The following UPF1 variants were observed in gnomAD, a reference collection of about 807,000 sequenced individuals.
UPF1 encodes the protein UPF1 RNA helicase and ATPase, also known as regulator of nonsense transcripts 1.
A neutral mutation model predicts 129.2 loss-of-function variants in UPF1; 9 were observed. The ratio of observed to expected loss-of-function variants is 0.07; its 90% CI spans 0.04 to 0.12. UPF1 has a LOEUF of 0.12. UPF1 is among the 10% of genes least tolerant of loss of function. The probability of loss-of-function intolerance (pLI) is 1.00; values close to 1 mark genes in which losing one functional copy is unlikely to be tolerated. For synonymous variants in UPF1, 649 were observed against 644.9 expected (o/e 1.01, Z -0.10); for missense variants, 788 against 1,525.3 (o/e 0.52, Z 8.05).
chr19:18,865,507 C>T lies in UPF1; in HGVS notation c.3020-54C>T. The T allele has an allele frequency of 1.2e-6, 2 of 1,612,482 alleles. No individual in the cohort carries two copies. The highest frequency in any genetic ancestry group is 2.2e-5 in the East Asian group (1 of 44,836). Reference sequence around the variant, plus strand: ...CCTCCTGAGAGCTCTTGAGGGTGTGCTTGTCTGCGAGGCCCTGGCCTCCTT... The same window carrying T: ...CCTCCTGAGAGCTCTTGAGGGTGTGTTTGTCTGCGAGGCCCTGGCCTCCTT... On this transcript the variant is annotated intron_variant, in intron 21 of 23. Coordinates refer to ENST00000262803, the MANE Select transcript of UPF1 (RefSeq NM_002911.4). This position sits in a 1 kb window ranked among gnomAD's most constrained non-coding sequence, Gnocchi z 6.1.
rs1293751552 is a variant in UPF1 at position 18,864,743 on chromosome 19, T to TTG, written c.2857+493_2857+494insGT. 5.7e-5 allele frequency among the ~76,000 whole-genome samples: 8 copies of TTG among 140,514 alleles called. 1 individual carries two copies. The highest frequency in any genetic ancestry group is 9.2e-5 in the Non-Finnish European group (6 of 64,870). The allele number at this position is 140,514 out of a possible 152,430, so 92.2% of individuals were successfully genotyped here. ...GGCCAATTTGCAGGTGTTTTTTTTTTTTTTTTTTTTTTTGGAGACCGAGTC... is the reference window on the plus strand; with the variant it reads ...GGCCAATTTGCAGGTGTTTTTTTTTTTGTTTTTTTTTTTTTGGAGACCGAGTC... On this transcript the variant is annotated intron_variant, in intron 20 of 23. Transcript: ENST00000262803.
At chr19:18,845,101 T>A (rs189595103) in intron 1 of UPF1, among the ~76,000 whole-genome samples, 13 of 152,344 alleles carry the variant, frequency 8.5e-5, no homozygotes, top group African/African-American at 2.9e-4. Flanking sequence ...GCCGAGGGGC[T>A]GTCTGGGGTG....
chr19:18,855,732 C>T, intron 11 of UPF1, 193 bp from the exon 12 acceptor site: 1 of 759,428 alleles, frequency 1.3e-6, no homozygotes, highest in Non-Finnish European at 2.1e-6. Context: ...CCTGTGGTCC[C>T]AGCTACTCAG....
At chr19:18,835,484 G>C (rs539298729) in intron 1 of UPF1, among the ~76,000 whole-genome samples, 2 of 152,208 alleles carry the variant, frequency 1.3e-5, no homozygotes, top group South Asian at 4.1e-4. Context: ...TGGGATTACA[G>C]GTGCACACCA....
chr19:18,833,877 CT>C (rs1211057105), intron 1 of UPF1, among the ~76,000 whole-genome samples: 1 of 152,160 alleles, frequency 6.6e-6, no homozygotes, highest in Non-Finnish European at 1.5e-5. Flanking sequence ...CTTGGGCTTT[CT>C]TTTAGCCCCT....
chr19:18,867,331 CGCTGG>C lies in UPF1; in HGVS notation c.*815_*819del, dbSNP rs2055863377. The stretch of plus-strand genomic sequence containing the variant: ...CCGAGCCTGGAAGCTGCTCGTTCTC[CGCTGG>C]ACTCAGAAGCCAAGCTGCTTCCCGC... On this transcript the variant is annotated 3_prime_UTR_variant, in exon 24 of 24. Transcript: ENST00000262803. The C allele has an allele frequency of 6.6e-6, 1 of 152,272 alleles. No individual in the cohort carries two copies. Among genetic ancestry groups the C allele is most frequent in the Admixed American group, 6.5e-5 (1 of 15,292 alleles). The allele number at this position is 152,272 out of a possible 1,614,324, so 9.4% of individuals were successfully genotyped here. A position where few individuals can be genotyped will look rare whatever the true frequency, so the allele number is the denominator to read the frequency against.
chr19:18,864,347 C>T (rs1395310868), intron 20 of UPF1, 96 bp downstream of exon 20: 37 of 1,195,920 alleles, frequency 3.1e-5, no homozygotes, highest in Admixed American at 2.0e-4. Flanking sequence ...CCCATCTTTC[C>T]TTCCCCTCAA....
At position 18,846,089 on chromosome 19, in the gene UPF1, A is replaced by G. The variant is rs1427429026; in HGVS notation, c.341A>G (p.Tyr114Cys). The change falls in exon 2 of 24, where the codon TAC becomes TGC. Residue 114 changes from tyrosine (Y) to cysteine (C), a missense_variant. Transcript: ENST00000262803. ...GAGGAAGATGAAGAAGACACCTATT[A>G]CACGAAGGACCTCCCCATACACGCC... ...NFEEDEEDTY[Y>C]TKDLPIHACS... The G allele has an allele frequency of 6.2e-7, 1 of 1,614,106 alleles. No individual in the cohort carries two copies. Among genetic ancestry groups the G allele is most frequent in the South Asian group, 1.1e-5 (1 of 91,084 alleles).
At chr19:18,848,654 C>G (rs2055625293) in intron 3 of UPF1, among the ~76,000 whole-genome samples, 4 of 151,934 alleles carry the variant, frequency 2.6e-5, no homozygotes, top group African/African-American at 7.3e-5. Flanking sequence ...GTGCCTTTGA[C>G]AGCTGTGGGT....
intron 6 of UPF1, 36 bp downstream of exon 6, chr19:18,852,332 T>C: frequency 6.2e-7 from 1 of 1,607,166 alleles, no homozygotes. Context: ...TGGGGTGGGC[T>C]CTGGCTCTCA....
intron 1 of UPF1, among the ~76,000 whole-genome samples, chr19:18,840,618 G>A (rs571746797): frequency 6.6e-6 from 1 of 152,192 alleles, no homozygotes; most frequent in Non-Finnish European, 1.5e-5. Flanking sequence ...ATTCAGGGCC[G>A]AGGGGCCTGG....
In UPF1 at chr19:18,855,056, C is replaced by G; in HGVS notation, c.1425+18C>G. On this transcript the variant is annotated intron_variant, in intron 10 of 23. Coordinates refer to ENST00000262803, the MANE Select transcript of UPF1 (RefSeq NM_002911.4). ...ACTCCCAGGTGCGCGCCGTCCTCAGCGCGCGGGGCCTCGCCCATGGGCCGG... is the reference window on the plus strand; with the variant it reads ...ACTCCCAGGTGCGCGCCGTCCTCAGGGCGCGGGGCCTCGCCCATGGGCCGG... 1 of 1,612,970 alleles carries G rather than the reference C, an allele frequency of 6.2e-7. No homozygotes were observed. The highest frequency in any genetic ancestry group is 1.7e-5 in the Admixed American group (1 of 59,962).
At chr19:18,862,289 T>C in intron 18 of UPF1, 137 bp downstream of exon 18, 1 of 1,356,698 alleles carries the variant, frequency 7.4e-7, no homozygotes, top group Non-Finnish European at 9.9e-7. Flanking sequence ...GATGTCTCAC[T>C]GGAGAGATCT....
rs542155746 is a variant in UPF1, at chr19:18,851,358, C to T, written c.810+490C>T. Reference sequence around the variant, plus strand: ...CAGCCCTCACTTTTCCCCACGGAAGCCTTTCTGTGCTTCCAGCTGTTTAGG... The same window carrying T: ...CAGCCCTCACTTTTCCCCACGGAAGTCTTTCTGTGCTTCCAGCTGTTTAGG... On this transcript the variant is annotated intron_variant, in intron 5 of 23. Transcript: ENST00000262803. The surrounding 1 kb of genome is among the most constrained non-coding windows in gnomAD (Gnocchi z 4.2). Among the ~76,000 whole-genome samples, 1 of 152,332 alleles carries T rather than the reference C, an allele frequency of 6.6e-6. No homozygotes were observed. Among genetic ancestry groups the T allele is most frequent in the African/African-American group, 2.4e-5 (1 of 41,570 alleles).
intron 15 of UPF1, among the ~76,000 whole-genome samples, chr19:18,859,026 G>C (rs1411898161): frequency 6.6e-6 from 1 of 152,182 alleles, no homozygotes; most frequent in Non-Finnish European, 1.5e-5. Flanking sequence ...CACCCCCCGG[G>C]TTGGGCCACA....
At chr19:18,852,869 C>T in intron 6 of UPF1, 118 bp from the exon 7 acceptor site, 3 of 816,938 alleles carry the variant, frequency 3.7e-6, no homozygotes, top group Non-Finnish European at 4.0e-6. Context: ...ACTCACGGCG[C>T]CTGCTCTCAC....
In UPF1 at chr19:18,831,959, A is replaced by C; in HGVS notation, c.-251A>C. 4.1e-6 allele frequency: 1 copy of C among 242,656 alleles called. No individual in the cohort carries two copies. The allele number at this position is 242,656 out of a possible 1,614,324, so 15.0% of individuals were successfully genotyped here. A position where few individuals can be genotyped will look rare whatever the true frequency, so the allele number is the denominator to read the frequency against. On this transcript the variant is annotated 5_prime_UTR_variant, in exon 1 of 24. Coordinates refer to ENST00000262803, the MANE Select transcript of UPF1 (RefSeq NM_002911.4). ...GCACGGCGACGGCGGCGGTGGCGGC[A>C]GTTCCTGCTCTAGGCTGCGAGCGGC...
chr19:18,834,983 A>G lies in UPF1; in HGVS notation c.231+2543A>G, dbSNP rs561184696. Among the ~76,000 whole-genome samples the G allele has an allele frequency of 4.6e-5, 7 of 152,304 alleles. No homozygotes were observed. In the East Asian group the frequency reaches 9.6e-4, roughly 21 times the overall value. On this transcript the variant is annotated intron_variant, in intron 1 of 23. Coordinates refer to ENST00000262803, the MANE Select transcript of UPF1 (RefSeq NM_002911.4). ...GCCACAACATACAATTTACCCATATAAAGTGTACAGTTCGGCGGCTTTTAT... is the reference window on the plus strand; with the variant it reads ...GCCACAACATACAATTTACCCATATGAAGTGTACAGTTCGGCGGCTTTTAT...
chr19:18,853,905 C>A lies in UPF1; in HGVS notation c.1156+555C>A, dbSNP rs2055687259. On this transcript the variant is annotated intron_variant, in intron 8 of 23. Coordinates refer to ENST00000262803, the MANE Select transcript of UPF1 (RefSeq NM_002911.4). This position sits in a 1 kb window ranked among gnomAD's most constrained non-coding sequence, Gnocchi z 4.4. ...CTGGGAGAAGACACCGCGGGTCAGA[C>A]TCAGGCTGCCTCTTGGTGACTGGCC... is the stretch of plus-strand genomic sequence containing the variant. 6.6e-6 allele frequency among the ~76,000 whole-genome samples: 1 copy of A among 152,196 alleles called. No homozygotes were observed. Among genetic ancestry groups the A allele is most frequent in the African/African-American group, 2.4e-5 (1 of 41,444 alleles).
Sources: allele counts gnomAD v4.1 joint callset (sites outside exome capture counted in the v4.1 genomes callset), GRCh38; gene constraint gnomAD v4.1.1; non-coding constraint Gnocchi (gnomAD v3.1); transcripts MANE v1.5; gene names NCBI Gene and HGNC (gene_info 2026-07-23, HGNC 2026-07-21).